The following PARVG variants were observed in gnomAD, a reference collection of about 807,000 sequenced individuals.
The protein encoded by PARVG is gamma-parvin.
PARVG carries 36 observed loss-of-function variants against 44.4 expected under a neutral mutation model. That is an observed-to-expected ratio of 0.81 (90% CI 0.62 to 1.07). PARVG has a LOEUF of 1.07. Ranked by LOEUF, PARVG falls within the 50% of genes least tolerant of loss-of-function variation. The pLI is 0.00. For synonymous variants in PARVG, 170 were observed against 174.1 expected, an observed-to-expected ratio of 0.98 and a Z score of 0.19; for missense variants, 407 against 407.4, an observed-to-expected ratio of 1.00 and a Z score of 0.01.
chr22:44,173,262 A>G (rs139103), intron 1 of PARVG: 154,438 of 1,155,736 alleles, frequency 0.13, 11,340 homozygotes, highest in South Asian at 0.26. Flanking sequence ...AGCGGCCAGG[A>G]GCACAGGCTG....
In PARVG at chr22:44,182,288, G is replaced by A. The variant is rs905229634; in HGVS notation, c.-13+371G>A. Among the ~76,000 whole-genome samples the A allele has an allele frequency of 1.3e-5, 2 of 152,228 alleles. No homozygotes were observed. Among genetic ancestry groups the A allele is most frequent in the African/African-American group, 2.4e-5 (1 of 41,452 alleles). On this transcript the variant is annotated intron_variant, in intron 2 of 13. Transcript: ENST00000444313. The surrounding 1 kb of genome is among the most constrained non-coding windows in gnomAD (Gnocchi z 4.6). ...GCATCAGGACCAGAGAGGGCAGGGG[G>A]TTTGCCCAACGTCACACAGCCTGAG... is the stretch of plus-strand genomic sequence containing the variant.
chr22:44,201,081 A>T (rs1310092663), intron 12 of PARVG, among the ~76,000 whole-genome samples: 1 of 151,504 alleles, frequency 6.6e-6, no homozygotes, highest in Non-Finnish European at 1.5e-5. Context: ...ATTCCCTCAC[A>T]TCCACGCAGG....
intron 8 of PARVG, 112 bp from the exon 9 acceptor site, chr22:44,193,689 G>A: frequency 7.3e-7 from 1 of 1,369,032 alleles, no homozygotes. Flanking sequence ...CCACAAGCAT[G>A]CCAGTTTCTT....
chr22:44,189,322 T>C (rs2054518145), intron 6 of PARVG, 68 bp downstream of exon 6: 2 of 1,574,018 alleles, frequency 1.3e-6, no homozygotes, highest in Non-Finnish European at 1.7e-6. Context: ...GCTTCAGGCT[T>C]CTCACCCACC....
chr22:44,185,665 A>C, intron 3 of PARVG, 143 bp from the exon 4 acceptor site: 1 of 634,152 alleles, frequency 1.6e-6, no homozygotes, highest in East Asian at 2.8e-5. Context: ...CGTGAGGGAA[A>C]TGAGGGAAAG....
rs1316735746 is a variant in PARVG at position 44,189,135 on chromosome 22, T to C, written c.269T>C (p.Leu90Pro). 1 of 1,613,942 alleles carries C rather than the reference T, an allele frequency of 6.2e-7. No homozygotes were observed. Among genetic ancestry groups the C allele is most frequent in the Non-Finnish European group, 8.5e-7 (1 of 1,180,004 alleles). Residue 90 changes from leucine to proline, a missense_variant, in exon 6 of 14, where the codon CTG (leucine) becomes CCG (proline). By Grantham distance (98) the Leu-to-Pro change is moderately conservative. Coordinates refer to ENST00000444313, the MANE Select transcript of PARVG (RefSeq NM_022141.7). ...HLFQRLAALK[L>P]EAEDIALTAT... is the part of the protein sequence containing the mutation. ...CCAGAGAGGCTGGCGGCGCTCAAGC[T>C]GGAAGCAGAGGACATCGCCCTGACA...
intron 12 of PARVG, 44 bp from the exon 13 acceptor site, chr22:44,205,713 G>A: frequency 6.2e-7 from 1 of 1,610,262 alleles, no homozygotes; most frequent in Non-Finnish European, 8.5e-7. Context: ...CCTGGCCTGG[G>A]GCTGCTGCTT....
intron 7 of PARVG, 26 bp from the exon 8 acceptor site, chr22:44,192,023 A>G: frequency 1.2e-6 from 2 of 1,612,864 alleles, no homozygotes; most frequent in Non-Finnish European, 1.7e-6. Context: ...GGATTATTTA[A>G]TTTCTTCCCC....
At chr22:44,180,775 G>A (rs7287117), upstream of PARVG, 17,062 of 193,716 alleles carry the variant, frequency 0.088, 1,763 homozygotes, top group African/African-American at 0.26. Context: ...TCTTGTAAAC[G>A]ACCCTACTTT....
intron 3 of PARVG, 48 bp downstream of exon 3, chr22:44,183,456 C>A: frequency 6.6e-7 from 1 of 1,505,478 alleles, no homozygotes; most frequent in Non-Finnish European, 8.9e-7. Flanking sequence ...GTCTGTGTGG[C>A]AAGAGTGAGC....
chr22:44,205,870 G>A, intron 13 of PARVG, 41 bp downstream of exon 13: 2 of 1,600,642 alleles, frequency 1.2e-6, no homozygotes, highest in Non-Finnish European at 8.5e-7. Flanking sequence ...CCAGCCCTGG[G>A]TGGCAGCCTT....
At chr22:44,195,463 G>A (rs2054605556) in intron 9 of PARVG, among the ~76,000 whole-genome samples, 1 of 152,178 alleles carries the variant, frequency 6.6e-6, no homozygotes, top group East Asian at 1.9e-4. Flanking sequence ...CCCCATGGGA[G>A]GTATGTTAGC....
intron 1 of PARVG, 147 bp from the exon 2 acceptor site, chr22:44,181,595 G>A: frequency 4.8e-6 from 3 of 631,204 alleles, no homozygotes; most frequent in Non-Finnish European, 5.9e-6. Context: ...GGGAGAGGGG[G>A]AGAAATGAAA....
chr22:44,206,533 C>G lies in PARVG; in HGVS notation c.*107C>G. 1 of 926,174 alleles carries G rather than the reference C, an allele frequency of 1.1e-6. No homozygotes were observed. The allele number at this position is 926,174 out of a possible 1,614,324, so 57.4% of individuals were successfully genotyped here. A position where few individuals can be genotyped will look rare whatever the true frequency, so the allele number is the denominator to read the frequency against. ...CGCTGTTTCCTGTGCATTCGTGACC[C>G]GCTTCCCTCCCACCCTGTCTCCTGT... is the stretch of plus-strand genomic sequence containing the variant. On this transcript the variant is annotated 3_prime_UTR_variant, in exon 14 of 14. Transcript: ENST00000444313.
At chr22:44,177,815 G>A (rs1469494320), upstream of PARVG, among the ~76,000 whole-genome samples, 4 of 152,108 alleles carry the variant, frequency 2.6e-5, no homozygotes, top group Admixed American at 6.5e-5. Context: ...GCAGTGAGCC[G>A]TGATCACACC....
In PARVG at chr22:44,206,295, C is replaced by A. The variant is rs371393638; in HGVS notation, c.887-22C>A. 5.7e-6 allele frequency: 9 copies of A among 1,584,594 alleles called. No homozygotes were observed. The African/African-American group carries it at 8.1e-5, about 14-fold the overall frequency. On this transcript the variant is annotated intron_variant, in intron 13 of 13. Transcript: ENST00000444313. ...CTGCCACCCAGGCCTGACTGGCTGC[C>A]CTGCCCTCCTTTGGCCCGCAGATAT...
chr22:44,205,408 C>T (rs1055693802), intron 12 of PARVG, among the ~76,000 whole-genome samples: 10 of 152,218 alleles, frequency 6.6e-5, no homozygotes, highest in Admixed American at 6.5e-4. Flanking sequence ...TTCACCTCCA[C>T]CAGGAAGCCT....
chr22:44,199,148 C>T (rs1296553309), intron 12 of PARVG, among the ~76,000 whole-genome samples: 1 of 149,808 alleles, frequency 6.7e-6, no homozygotes, highest in Non-Finnish European at 1.5e-5. Flanking sequence ...CATCCACCTA[C>T]CTGCCTGTCC....
At chr22:44,178,914 G>A (rs1406424334), upstream of PARVG, among the ~76,000 whole-genome samples, 1 of 152,142 alleles carries the variant, frequency 6.6e-6, no homozygotes, top group Non-Finnish European at 1.5e-5. Context: ...TGTTATGCAG[G>A]AGAATGTTTT....
Sources: gnomAD v4.1 joint callset for allele counts (sites outside exome capture counted in the v4.1 genomes callset) on GRCh38, gnomAD v4.1.1 for gene constraint, Gnocchi (gnomAD v3.1) non-coding constraint, MANE v1.5 for transcripts, NCBI Gene and HGNC (gene_info 2026-07-23, HGNC 2026-07-21) for gene names.